CLTCL1: variants seen among roughly 807,000 people sequenced by gnomAD.
CLTCL1 encodes the protein clathrin heavy chain like 1.
A neutral mutation model predicts 190.0 loss-of-function variants in CLTCL1; 159 were observed. The observed-to-expected ratio is 0.84, with a 90% CI of 0.74 to 0.95. The LOEUF (loss-of-function observed/expected upper bound fraction) is 0.95. Among genes scored for constraint, CLTCL1 ranks in the 40% least tolerant of loss-of-function variants. The pLI is 0.00. For synonymous variants in CLTCL1, 752 were observed against 769.6 expected (o/e 0.98, Z 0.38); for missense variants, 1,878 against 2,033.4 (o/e 0.92, Z 1.47).
At chr22:19,234,769 A>ATGT (rs2086026838) in intron 6 of CLTCL1, 63 bp from the exon 7 acceptor site, 1 of 1,403,106 alleles carries the variant, frequency 7.1e-7, no homozygotes, top group Admixed American at 1.8e-5. Context: ...TCCCTCTGCC[A>ATGT]TGTTCCCTTC....
chr22:19,195,393 G>A (rs990041959), intron 26 of CLTCL1, among the ~76,000 whole-genome samples: 2 of 152,150 alleles, frequency 1.3e-5, no homozygotes, highest in African/African-American at 4.8e-5. Context: ...CCTTCAAATA[G>A]TTCCCAGGAA....
At chr22:19,286,396 C>T (rs981596263) in intron 1 of CLTCL1, among the ~76,000 whole-genome samples, 1 of 152,026 alleles carries the variant, frequency 6.6e-6, no homozygotes, top group Non-Finnish European at 1.5e-5. Context: ...GGTAGGCCAA[C>T]AGGCAAAATT....
chr22:19,195,743 AAC>A (rs1436169819), intron 26 of CLTCL1, among the ~76,000 whole-genome samples: 1 of 152,150 alleles, frequency 6.6e-6, no homozygotes, highest in Admixed American at 6.5e-5. Context: ...GACACCACCC[AAC>A]AGTGTGGCTG....
At chr22:19,201,607 C>T (rs1471970981) in intron 22 of CLTCL1, 114 bp from the exon 23 acceptor site, 2 of 1,147,644 alleles carry the variant, frequency 1.7e-6, no homozygotes, top group Non-Finnish European at 2.5e-6. Flanking sequence ...GGGTGGTAAG[C>T]ATCTTTCTGA....
intron 11 of CLTCL1, among the ~76,000 whole-genome samples, chr22:19,228,561 A>G (rs1442141208): frequency 6.6e-6 from 1 of 152,230 alleles, no homozygotes; most frequent in Non-Finnish European, 1.5e-5. Context: ...GAGTTGGAAT[A>G]TGACCCACTT....
intron 2 of CLTCL1, among the ~76,000 whole-genome samples, chr22:19,266,166 A>G (rs1324144246): frequency 4.7e-5 from 7 of 148,332 alleles, no homozygotes; most frequent in African/African-American, 1.7e-4. Context: ...TACAGGTATG[A>G]GCCACCAGGC....
chr22:19,234,791 T>A, intron 6 of CLTCL1, 85 bp from the exon 7 acceptor site: 1 of 1,196,042 alleles, frequency 8.4e-7, no homozygotes, highest in East Asian at 2.4e-5. Flanking sequence ...GATGCTGGAG[T>A]GGTAGCCACA....
At chr22:19,287,772 T>A (rs2087959278) in intron 1 of CLTCL1, among the ~76,000 whole-genome samples, 1 of 151,210 alleles carries the variant, frequency 6.6e-6, no homozygotes, top group East Asian at 1.9e-4. Flanking sequence ...GGCTCCTGGC[T>A]GGACACTGGA....
chr22:19,275,657 G>A lies in CLTCL1; in HGVS notation c.216C>T (p.Ile72=). ...IRRPISAESA[I]MNPASKVIAL... ...CTATCACCTTAGAGGCTGGATTCATGATGGCACTCTCTGCAGAGATAGGCC... is the reference window on the plus strand; with the variant it reads ...CTATCACCTTAGAGGCTGGATTCATAATGGCACTCTCTGCAGAGATAGGCC... The change falls in exon 2 of 33, where the codon ATC becomes ATT. Residue 72 remains isoleucine, a synonymous_variant. Coordinates refer to ENST00000427926, the MANE Select transcript of CLTCL1 (RefSeq NM_007098.4). 1.2e-6 allele frequency: 2 copies of A among 1,606,702 alleles called. No individual in the cohort carries two copies. Among genetic ancestry groups the A allele is most frequent in the Non-Finnish European group, 1.7e-6 (2 of 1,176,502 alleles).
intron 1 of CLTCL1, among the ~76,000 whole-genome samples, chr22:19,282,630 AAAAAAAAAAAAG>A (rs1435824824): frequency 2.0e-5 from 3 of 148,190 alleles, no homozygotes; most frequent in Non-Finnish European, 4.5e-5. Context: ...CTCTGTCTCA[AAAAAAAAAAAAG>A]AAAAAGAAAA....
At chr22:19,239,253 T>C in intron 5 of CLTCL1, 22 bp downstream of exon 5, 1 of 1,566,120 alleles carries the variant, frequency 6.4e-7, no homozygotes, top group Non-Finnish European at 8.8e-7. Flanking sequence ...ATGAAGATGT[T>C]TAGAGAGCAG....
rs782254214 is a variant in CLTCL1, at chr22:19,183,448, T to G, written c.4769A>C (p.Asn1590Thr). 1 of 1,613,490 alleles carries G rather than the reference T, an allele frequency of 6.2e-7. No homozygotes were observed. The highest frequency in any genetic ancestry group is 1.3e-5 in the African/African-American group (1 of 74,890). ...DMVLELAWRH[N>T]LVDLAMPYFI... is the part of the protein sequence containing the mutation. ...GTAGGGCATGGCCAAGTCCACGAGGTTGTGCCTCCAGGCCAGCTCAAGCAC... is the reference window on the plus strand; with the variant it reads ...GTAGGGCATGGCCAAGTCCACGAGGGTGTGCCTCCAGGCCAGCTCAAGCAC... The change falls in exon 30 of 33, where the codon AAC (asparagine) becomes ACC (threonine). Residue 1590 changes from asparagine to threonine, a missense_variant. Transcript: ENST00000427926.
Position 19,226,338 on chromosome 22 carries a change from G to A in CLTCL1, c.1828C>T (p.Arg610Trp), listed in dbSNP as rs782399013. ...TCACAGAGCTGGGCAATGTGGGCCC[G>A]GTCGTAATGAGTAAACATTTTATTT... is the stretch of plus-strand genomic sequence containing the variant. ...LGNKMFTHYDRAHIAQLCEKA... is the reference protein window; with the variant it reads ...LGNKMFTHYDWAHIAQLCEKA... The change falls in exon 12 of 33, where the codon CGG becomes TGG. Residue 610 changes from arginine (R) to tryptophan (W), a missense_variant. Coordinates refer to ENST00000427926, the MANE Select transcript of CLTCL1 (RefSeq NM_007098.4). The A allele has an allele frequency of 5.6e-6, 9 of 1,613,882 alleles. No individual in the cohort carries two copies. The highest frequency in any genetic ancestry group is 1.7e-5 in the Admixed American group (1 of 60,006).
chr22:19,286,622 T>G (rs1245336002), intron 1 of CLTCL1, among the ~76,000 whole-genome samples: 2 of 152,136 alleles, frequency 1.3e-5, no homozygotes, highest in African/African-American at 4.8e-5. Flanking sequence ...CACACACGGG[T>G]GTGTGTGGAT....
chr22:19,270,723 A>G (rs1387040478), intron 2 of CLTCL1, among the ~76,000 whole-genome samples: 2 of 110,862 alleles, frequency 1.8e-5, no homozygotes, highest in African/African-American at 7.0e-5. Flanking sequence ...CGAGACTCCA[A>G]CTCAAAAAAA....
chr22:19,227,427 C>T (rs1240264651), intron 11 of CLTCL1, among the ~76,000 whole-genome samples: 2 of 150,878 alleles, frequency 1.3e-5, no homozygotes, highest in Non-Finnish European at 3.0e-5. Flanking sequence ...GGATTACAGG[C>T]ACATGCCACC....
At chr22:19,183,027 C>T in intron 30 of CLTCL1, 1 of 286,024 alleles carries the variant, frequency 3.5e-6, no homozygotes, top group Non-Finnish European at 6.8e-6. Flanking sequence ...CCACTGGGAG[C>T]TCCTCAGGGA....
At position 19,233,513 on chromosome 22, in the gene CLTCL1, T is replaced by C. The variant is rs2085981060; in HGVS notation, c.1277A>G (p.Gln426Arg). 6.2e-7 allele frequency: 1 copy of C among 1,614,034 alleles called. No homozygotes were observed. Among genetic ancestry groups the C allele is most frequent in the Non-Finnish European group, 8.5e-7 (1 of 1,179,892 alleles). Reference protein sequence around the residue: ...QYFGILLDQGQLNKLESLELC... With the variant: ...QYFGILLDQGRLNKLESLELC... ...TTCTAAGGATTCAAGTTTATTGAGCTGACCCTGGTCGAGCAGGATTCCGAA... is the reference window on the plus strand; with the variant it reads ...TTCTAAGGATTCAAGTTTATTGAGCCGACCCTGGTCGAGCAGGATTCCGAA... The change falls in exon 8 of 33, where the codon CAG becomes CGG. Residue 426 changes from glutamine (Q) to arginine (R), a missense_variant. Gln to Arg is a conservative substitution (Grantham distance 43). Transcript: ENST00000427926.
At chr22:19,259,699 T>G (rs1211567613) in intron 2 of CLTCL1, among the ~76,000 whole-genome samples, 1 of 152,226 alleles carries the variant, frequency 6.6e-6, no homozygotes, top group African/African-American at 2.4e-5. Flanking sequence ...CCCTAGTCCC[T>G]CTTCCTCTCT....
Sources: gnomAD v4.1 joint callset for allele counts (sites outside exome capture counted in the v4.1 genomes callset) on GRCh38, gnomAD v4.1.1 for gene constraint, MANE v1.5 for transcripts, NCBI Gene and HGNC (gene_info 2026-07-23, HGNC 2026-07-21) for gene names.